The following HIVEP3 variants were observed in gnomAD, a reference collection of about 807,000 sequenced individuals.
The protein encoded by HIVEP3 is HIVEP zinc finger 3.
HIVEP3 carries 49 observed loss-of-function variants against 152.8 expected under a neutral mutation model. The observed-to-expected ratio is 0.32, with a 90% CI of 0.26 to 0.41. HIVEP3 has a LOEUF of 0.41. Among genes scored for constraint, HIVEP3 ranks in the 10% least tolerant of loss-of-function variants. HIVEP3 has a pLI of 1.00. For synonymous variants in HIVEP3, 1,269 were observed against 1,289.0 expected (o/e 0.98, Z 0.33); for missense variants, 2,790 against 3,103.3 (o/e 0.90, Z 2.40).
intron 3 of HIVEP3, among the ~76,000 whole-genome samples, chr1:41,588,746 A>T (rs1050334133): frequency 1.3e-5 from 2 of 152,148 alleles, no homozygotes; most frequent in Non-Finnish European, 2.9e-5. Context: ...GAGGCCTGTG[A>T]GCTGGAGGGG....
chr1:41,904,395 T>G (rs947756928), intron 1 of HIVEP3, among the ~76,000 whole-genome samples: 4 of 152,120 alleles, frequency 2.6e-5, no homozygotes, highest in African/African-American at 9.7e-5. Context: ...GGGGAGTGTT[T>G]AAAAGTCCAA....
chr1:41,798,289 TA>T lies in HIVEP3; in HGVS notation c.-800-97295del, dbSNP rs879873684. On this transcript the variant is annotated intron_variant, in intron 1 of 8. Transcript: ENST00000372583. ...TGTACCCTAGAACTTAAAGTATAAT[TA>T]AAAAAAAAAAAAGAGAGAAACACTC... 2.5e-3 allele frequency among the ~76,000 whole-genome samples: 350 copies of T among 140,198 alleles called. 1 individual carries two copies. Among genetic ancestry groups the T allele is most frequent in the South Asian group, 2.1e-3 (9 of 4,368 alleles). The allele number at this position is 140,198 out of a possible 152,430, so 92.0% of individuals were successfully genotyped here.
chr1:41,558,571 C>T (rs1245623696), intron 5 of HIVEP3, among the ~76,000 whole-genome samples: 3 of 152,204 alleles, frequency 2.0e-5, no homozygotes, highest in Non-Finnish European at 4.4e-5. Flanking sequence ...TCAGCCTGCA[C>T]CCCTCCTGGC....
Position 41,582,312 on chromosome 1 carries a change from G to A in HIVEP3, c.2486C>T (p.Pro829Leu), listed in dbSNP as rs778900630. The change falls in exon 4 of 9, where the codon CCA becomes CTA. Residue 829 changes from proline (P) to leucine (L), a missense_variant. Transcript: ENST00000372583. The surrounding 1 kb of genome is among the most constrained non-coding windows in gnomAD (Gnocchi z 4.7). ...TCCGTGTGGGGCAGGTGGGGGTGAT[G>A]GGAACTGGGCCAGAGGTTTGTCTTC... ...EGEDKPLAQF[P>L]SPPPAPHGRS... The A allele has an allele frequency of 6.2e-7, 1 of 1,614,184 alleles. No homozygotes were observed. Among genetic ancestry groups the A allele is most frequent in the Non-Finnish European group, 8.5e-7 (1 of 1,180,028 alleles).
intron 1 of HIVEP3, among the ~76,000 whole-genome samples, chr1:41,908,476 G>C (rs1015948773): frequency 6.6e-6 from 1 of 152,092 alleles, no homozygotes; most frequent in African/African-American, 2.4e-5. Flanking sequence ...ACATTACTAA[G>C]AACATAGTAT....
At chr1:41,610,911 C>T (rs1644887896) in intron 3 of HIVEP3, among the ~76,000 whole-genome samples, 1 of 152,176 alleles carries the variant, frequency 6.6e-6, no homozygotes, top group African/African-American at 2.4e-5. Flanking sequence ...CCCCCAAGCT[C>T]CCACTCTGTG....
chr1:41,622,391 G>A (rs1462750490), intron 3 of HIVEP3, among the ~76,000 whole-genome samples: 1 of 152,176 alleles, frequency 6.6e-6, no homozygotes, highest in African/African-American at 2.4e-5. Flanking sequence ...AAGAGCAGGG[G>A]TGGGGGAGGA....
At chr1:41,651,774 A>T (rs6699235) in intron 2 of HIVEP3, among the ~76,000 whole-genome samples, 13,922 of 152,214 alleles carry the variant, frequency 0.091, 927 homozygotes, top group African/African-American at 0.19. Context: ...TCTATTTTTT[A>T]AAAATTTTTT....
intron 5 of HIVEP3, among the ~76,000 whole-genome samples, chr1:41,555,786 C>G (rs1010635014): frequency 6.6e-6 from 1 of 152,184 alleles, no homozygotes; most frequent in Non-Finnish European, 1.5e-5. Context: ...CACTCACTCC[C>G]CATCTCCTCC....
chr1:41,524,446 G>A (rs374541908), intron 6 of HIVEP3, among the ~76,000 whole-genome samples: 29 of 152,258 alleles, frequency 1.9e-4, no homozygotes, highest in African/African-American at 6.3e-4. Flanking sequence ...AACCATGAAC[G>A]GTGAGCAAGA....
rs35864189 is a variant in HIVEP3, at chr1:41,751,324, A to ATTTTTTTTTTTTTTT, written c.-800-50344_-800-50330dup. On this transcript the variant is annotated intron_variant, in intron 1 of 8. Coordinates refer to ENST00000372583, the MANE Select transcript of HIVEP3 (RefSeq NM_024503.5). ...TTCATCCCGAGGGAAACTGACACAC[A>ATTTTTTTTTTTTTTT]TTTTTTTTTTTTTTTTTTTTGCATA... 5.7e-5 allele frequency among the ~76,000 whole-genome samples: 6 copies of ATTTTTTTTTTTTTTT among 104,560 alleles called. 1 individual carries two copies. Among genetic ancestry groups the ATTTTTTTTTTTTTTT allele is most frequent in the Non-Finnish European group, 5.3e-5 (3 of 56,404 alleles). The allele number at this position is 104,560 out of a possible 152,430, so 68.6% of individuals were successfully genotyped here. A position where few individuals can be genotyped will look rare whatever the true frequency, so the allele number is the denominator to read the frequency against.
chr1:41,887,861 G>T (rs1273517489), intron 1 of HIVEP3, among the ~76,000 whole-genome samples: 1 of 152,020 alleles, frequency 6.6e-6, no homozygotes, highest in Non-Finnish European at 1.5e-5. Context: ...GCCACATGCG[G>T]CTATTTAAAT....
chr1:41,990,166 C>A (rs1354130036), intron 1 of HIVEP3, among the ~76,000 whole-genome samples: 1 of 112,710 alleles, frequency 8.9e-6, no homozygotes, highest in South Asian at 3.5e-4. Context: ...TATTTTATTT[C>A]TCCTTCACTT....
At chr1:41,652,139 T>C (rs143503061) in intron 2 of HIVEP3, among the ~76,000 whole-genome samples, 2,436 of 152,268 alleles carry the variant, frequency 0.016, 31 homozygotes, top group Non-Finnish European at 0.021. Flanking sequence ...AGTAACTTGT[T>C]TGAGGTAACA....
chr1:41,595,482 G>A (rs1644651919), intron 3 of HIVEP3, among the ~76,000 whole-genome samples: 2 of 152,196 alleles, frequency 1.3e-5, no homozygotes, highest in African/African-American at 4.8e-5. Context: ...GGAGTCTGGA[G>A]ACTAATTCCA....
chr1:41,926,877 C>G (rs545018169), intron 1 of HIVEP3, among the ~76,000 whole-genome samples: 121 of 152,244 alleles, frequency 7.9e-4, no homozygotes, highest in Non-Finnish European at 1.4e-3. Context: ...ACAGGAGGGT[C>G]TTGGCATATG....
At chr1:41,706,632 C>T (rs1447547508) in intron 1 of HIVEP3, among the ~76,000 whole-genome samples, 3 of 152,080 alleles carry the variant, frequency 2.0e-5, no homozygotes, top group Non-Finnish European at 2.9e-5. Context: ...ATGCTCTGGG[C>T]GTATTAGTGG....
chr1:41,518,433 TG>T lies in HIVEP3; in HGVS notation c.5438del (p.Thr1813LysfsTer112). 1 of 1,614,224 alleles carries T rather than the reference TG, an allele frequency of 6.2e-7. No homozygotes were observed. The highest frequency in any genetic ancestry group is 8.5e-7 in the Non-Finnish European group (1 of 1,180,026). ...CGGCTTCCAGCTCCTCCAGCACCCC[TG>T]TCTCTTGGCACTTTTTGCTGTGGGC... ...SKAHSKKCQETGVLEELEAEE... is the reference protein window; with the variant it reads ...SKAHSKKCQEXGVLEELEAEE... On this transcript the variant is annotated frameshift_variant, in exon 7 of 9. Coordinates refer to ENST00000372583, the MANE Select transcript of HIVEP3 (RefSeq NM_024503.5). LOFTEE classifies it high-confidence loss of function.
intron 2 of HIVEP3, among the ~76,000 whole-genome samples, chr1:41,692,492 A>G (rs1249413727): frequency 6.6e-6 from 1 of 152,216 alleles, no homozygotes; most frequent in Non-Finnish European, 1.5e-5. Flanking sequence ...AAGGTATCTT[A>G]AAACAGAAAT....
Sources: gnomAD v4.1 joint callset for allele counts (sites outside exome capture counted in the v4.1 genomes callset) on GRCh38, gnomAD v4.1.1 for gene constraint, Gnocchi (gnomAD v3.1) non-coding constraint, MANE v1.5 for transcripts, NCBI Gene and HGNC (gene_info 2026-07-23, HGNC 2026-07-21) for gene names.